The following IL1RAPL1 variants were observed in gnomAD, a reference collection of about 807,000 sequenced individuals.
The protein encoded by IL1RAPL1 is interleukin 1 receptor accessory protein like 1.
Under a neutral mutation model 48.4 loss-of-function variants are expected in IL1RAPL1, and 3 were observed. The ratio of observed to expected loss-of-function variants is 0.06; its 90% CI spans 0.03 to 0.16. The LOEUF (loss-of-function observed/expected upper bound fraction) is 0.16, where lower values mean the gene tolerates loss of function less well. IL1RAPL1 is among the 10% of genes least tolerant of loss of function. The pLI, the probability that IL1RAPL1 is intolerant of heterozygous loss-of-function variation, is 1.00. For missense variants in IL1RAPL1, 349 were observed against 530.6 expected (o/e 0.66, Z 3.36); for synonymous variants, 185 against 187.7 (o/e 0.99, Z 0.12).
At chrX:29,657,888 C>A (rs1925732748) in intron 5 of IL1RAPL1, among the ~76,000 whole-genome samples, 2 of 103,602 alleles carry the variant, frequency 1.9e-5, no homozygotes, top group South Asian at 9.2e-4. Flanking sequence ...TTGGCATGCT[C>A]ACCTACTTGA....
chrX:29,860,992 T>C (rs1601855569), intron 6 of IL1RAPL1, among the ~76,000 whole-genome samples: 1 of 112,186 alleles, frequency 8.9e-6, no homozygotes, highest in African/African-American at 3.2e-5. Flanking sequence ...TAATGAACTG[T>C]GGTTAAAGAT....
At chrX:29,005,795 T>G (rs1925963662) in intron 2 of IL1RAPL1, among the ~76,000 whole-genome samples, 1 of 111,987 alleles carries the variant, frequency 8.9e-6, no homozygotes, top group Admixed American at 9.5e-5. Context: ...GGTTCTAAAA[T>G]TATACACCTA....
intron 5 of IL1RAPL1, among the ~76,000 whole-genome samples, chrX:29,665,844 T>G (rs1925984076): frequency 8.9e-6 from 1 of 112,064 alleles, no homozygotes; most frequent in Non-Finnish European, 1.9e-5. Flanking sequence ...TGCCGTAGGT[T>G]ATGATTATTT....
intron 2 of IL1RAPL1, among the ~76,000 whole-genome samples, chrX:28,810,011 T>G (rs1056449358): frequency 9.2e-6 from 1 of 108,389 alleles, no homozygotes. Context: ...GACTTCTAAG[T>G]TTTATGAGTA....
At chrX:29,380,623 C>A (rs998209598) in intron 3 of IL1RAPL1, among the ~76,000 whole-genome samples, 1 of 112,110 alleles carries the variant, frequency 8.9e-6, no homozygotes, top group African/African-American at 3.2e-5. Context: ...TCACCACTGG[C>A]CTATAGTCTC....
At chrX:28,702,849 T>TC (rs386416806) in intron 1 of IL1RAPL1, among the ~76,000 whole-genome samples, 2 of 110,489 alleles carry the variant, frequency 1.8e-5, no homozygotes, top group Admixed American at 9.7e-5. Context: ...TGTGTTTTTT[T>TC]TTTACTTGAA....
chrX:29,232,492 G>A lies in IL1RAPL1; in HGVS notation c.83-50446G>A, dbSNP rs370409107. Among the ~76,000 whole-genome samples, 294 of 112,214 alleles carry A rather than the reference G, an allele frequency of 2.6e-3. 1 individual carries two copies. Among genetic ancestry groups the A allele is most frequent in the African/African-American group, 8.5e-3 (262 of 30,941 alleles). On this transcript the variant is annotated intron_variant, in intron 2 of 10. Coordinates refer to ENST00000378993, the MANE Select transcript of IL1RAPL1 (RefSeq NM_014271.4). ...ACATTACTATTTTTTATATACTCTG[G>A]AAGTTTTTAACAGTTCGTAACAAAT... is the stretch of plus-strand genomic sequence containing the variant.
At chrX:28,808,292 T>G (rs945303512) in intron 2 of IL1RAPL1, among the ~76,000 whole-genome samples, 1 of 111,326 alleles carries the variant, frequency 9.0e-6, no homozygotes, top group African/African-American at 3.2e-5. Flanking sequence ...GAGATCATTT[T>G]AAATGGAAAC....
intron 2 of IL1RAPL1, among the ~76,000 whole-genome samples, chrX:29,127,231 A>G (rs1928916325): frequency 9.0e-6 from 1 of 110,721 alleles, no homozygotes; most frequent in Non-Finnish European, 1.9e-5. Flanking sequence ...AAATGACCCA[A>G]TTCAGTGGTG....
intron 1 of IL1RAPL1, among the ~76,000 whole-genome samples, chrX:28,725,532 A>G (rs1378655671): frequency 9.0e-6 from 1 of 111,517 alleles, no homozygotes; most frequent in Non-Finnish European, 1.9e-5. Flanking sequence ...GAGCTTCCAT[A>G]CTCCCCACTG....
Position 29,310,093 on chromosome X carries a change from C to CAAAAAAAAAAAAAAAAAAAA in IL1RAPL1, c.362+26893_362+26912dup, listed in dbSNP as rs57210050. On this transcript the variant is annotated intron_variant, in intron 3 of 10. Coordinates refer to ENST00000378993, the MANE Select transcript of IL1RAPL1 (RefSeq NM_014271.4). The stretch of plus-strand genomic sequence containing the variant: ...TGGGCGACAGAGCGAGACTCCGTCT[C>CAAAAAAAAAAAAAAAAAAAA]AAAAAAAAAAAAAAAAAAAAAAAAA... Among the ~76,000 whole-genome samples, 3 of 23,736 alleles carry CAAAAAAAAAAAAAAAAAAAA rather than the reference C, an allele frequency of 1.3e-4. 1 individual carries two copies. The highest frequency in any genetic ancestry group is 1.9e-3 in the Admixed American group (2 of 1,053). The allele number at this position is 23,736 out of a possible 115,157, so 20.6% of individuals were successfully genotyped here.
At chrX:29,915,756 A>ATTTTT (rs369807619) in intron 6 of IL1RAPL1, among the ~76,000 whole-genome samples, 8,013 of 45,527 alleles carry the variant, frequency 0.18, 511 homozygotes, top group African/African-American at 0.3. Context: ...TATTTTTATT[A>ATTTTT]TTTTTATTAT....
chrX:29,889,320 A>C (rs1201941779), intron 6 of IL1RAPL1, among the ~76,000 whole-genome samples: 2 of 112,052 alleles, frequency 1.8e-5, no homozygotes, highest in African/African-American at 6.5e-5. Context: ...CATTTGTGAT[A>C]TTCCCTTCTA....
chrX:29,200,051 A>C (rs1264030973), intron 2 of IL1RAPL1, among the ~76,000 whole-genome samples: 1 of 111,614 alleles, frequency 9.0e-6, no homozygotes, highest in South Asian at 3.7e-4. Flanking sequence ...GTTTTGCTAT[A>C]CTGATGGAAG....
intron 5 of IL1RAPL1, among the ~76,000 whole-genome samples, chrX:29,605,767 C>T (rs1923872499): frequency 8.9e-6 from 1 of 112,003 alleles, no homozygotes; most frequent in Admixed American, 9.4e-5. Flanking sequence ...CAAAGACTTT[C>T]ATCAAAAAAT....
In IL1RAPL1 at chrX:28,598,627, G is replaced by GT. The variant is rs56397783; in HGVS notation, c.-25+10597dup. On this transcript the variant is annotated intron_variant, in intron 1 of 10. Transcript: ENST00000378993. ...TGGAATGCAGTATAGAAATTTGTAG[G>GT]TTTTTTTTTTTTTTTTTGAGATGGA... Among the ~76,000 whole-genome samples the GT allele has an allele frequency of 6.8e-3, 593 of 87,110 alleles. 6 individuals are homozygous for GT. Among genetic ancestry groups the GT allele is most frequent in the African/African-American group, 0.02 (474 of 23,828 alleles). The allele number at this position is 87,110 out of a possible 115,157, so 75.6% of individuals were successfully genotyped here.
chrX:29,854,895 G>GCA (rs202098400), intron 6 of IL1RAPL1, among the ~76,000 whole-genome samples: 8,765 of 105,264 alleles, frequency 0.083, 573 homozygotes, highest in East Asian at 0.34. Context: ...TGACCAAATA[G>GCA]CACACACACA....
At chrX:28,992,153 G>T (rs767178447) in intron 2 of IL1RAPL1, among the ~76,000 whole-genome samples, 1 of 111,796 alleles carries the variant, frequency 8.9e-6, no homozygotes, top group East Asian at 2.8e-4. Context: ...TAATTTCCCC[G>T]TTATTCTAGA....
At chrX:29,226,050 A>G (rs949054090) in intron 2 of IL1RAPL1, among the ~76,000 whole-genome samples, 3 of 111,799 alleles carry the variant, frequency 2.7e-5, no homozygotes, top group African/African-American at 9.8e-5. Flanking sequence ...TGCAAACCAC[A>G]GGTCTGCACT....
Sources: allele counts gnomAD v4.1 joint callset (sites outside exome capture counted in the v4.1 genomes callset), GRCh38; gene constraint gnomAD v4.1.1; transcripts MANE v1.5; gene names NCBI Gene and HGNC (gene_info 2026-07-23, HGNC 2026-07-21).